Variants in GLRA3 observed in about 807,000 individuals in gnomAD.
The protein encoded by GLRA3 is glycine receptor subunit alpha-3.
A neutral mutation model predicts 60.4 loss-of-function variants in GLRA3; 44 were observed. That is an observed-to-expected ratio of 0.73 (90% CI 0.57 to 0.94). The LOEUF is 0.94. Among genes scored for constraint, GLRA3 ranks in the 40% least tolerant of loss-of-function variants. The pLI is 0.00. For missense variants in GLRA3, 508 were observed against 564.6 expected, an observed-to-expected ratio of 0.90 and a Z score of 1.02; for synonymous variants, 223 against 192.9, an observed-to-expected ratio of 1.16 and a Z score of -1.29.
At chr4:174,823,020 GT>G (rs1412945343) in intron 1 of GLRA3, among the ~76,000 whole-genome samples, 1 of 152,156 alleles carries the variant, frequency 6.6e-6, no homozygotes, top group Non-Finnish European at 1.5e-5. Context: ...GAAAATGTGT[GT>G]TGTTGCCATG....
intron 5 of GLRA3, among the ~76,000 whole-genome samples, chr4:174,711,774 C>T (rs1735728105): frequency 1.3e-5 from 2 of 152,106 alleles, no homozygotes; most frequent in Non-Finnish European, 2.9e-5. Context: ...GTTTGTGCCT[C>T]ATAATTTTTT....
chr4:174,666,034 A>C (rs1342675558), intron 7 of GLRA3, among the ~76,000 whole-genome samples: 1 of 152,162 alleles, frequency 6.6e-6, no homozygotes. Flanking sequence ...CCAAGTTGCA[A>C]AACTAGGATT....
chr4:174,741,504 G>A (rs1030383162), intron 3 of GLRA3, among the ~76,000 whole-genome samples: 3 of 151,902 alleles, frequency 2.0e-5, no homozygotes, highest in South Asian at 2.1e-4. Context: ...CATGAGATTG[G>A]CAAACTTGTT....
intron 4 of GLRA3, among the ~76,000 whole-genome samples, chr4:174,716,100 TA>T (rs2111096685): frequency 1.3e-5 from 2 of 152,296 alleles, no homozygotes; most frequent in South Asian, 4.1e-4. Context: ...CAATCATATG[TA>T]ACGTTCAGTC....
chr4:174,781,313 C>G (rs568841860), intron 2 of GLRA3, among the ~76,000 whole-genome samples: 33 of 149,928 alleles, frequency 2.2e-4, no homozygotes, highest in African/African-American at 7.4e-4. Context: ...GCATTCAAAG[C>G]AGTGTGTAGA....
At chr4:174,731,903 C>T (rs938384961) in intron 3 of GLRA3, among the ~76,000 whole-genome samples, 6 of 152,166 alleles carry the variant, frequency 3.9e-5, no homozygotes, top group African/African-American at 1.2e-4. Context: ...AAAAAATGTT[C>T]AACCACATAA....
At chr4:174,696,370 T>C (rs1735053453) in intron 5 of GLRA3, among the ~76,000 whole-genome samples, 1 of 151,276 alleles carries the variant, frequency 6.6e-6, no homozygotes, top group Admixed American at 6.6e-5. Context: ...AAACAAATTT[T>C]ATTATATGTA....
rs779931841 is a variant in GLRA3 at position 174,766,959 on chromosome 4, C to T, written c.267+4G>A. The T allele has an allele frequency of 6.6e-7, 1 of 1,525,932 alleles. No individual in the cohort carries two copies. The allele number at this position is 1,525,932 out of a possible 1,614,324, so 94.5% of individuals were successfully genotyped here. On this transcript the variant is annotated splice_donor_region_variant and intron_variant, in intron 3 of 9. Transcript: ENST00000274093. ...TGAAACTTGTTGCAAAGTAAAATGC[C>T]TACCATGGTCGTCTCTGCGATAGAG...
At position 174,677,216 on chromosome 4, in the gene GLRA3, G is replaced by A. The variant is rs1579429297; in HGVS notation, c.789C>T (p.Pro263=). The change falls in exon 7 of 10, where the codon CCC becomes CCT. Residue 263 remains proline (P), a synonymous_variant. Coordinates refer to ENST00000274093, the MANE Select transcript of GLRA3 (RefSeq NM_006529.4). ...AGGATAGAATAACAATCAGGAGACT[G>A]GGAATGTACATCTGGATCAGATAGT... The part of the protein sequence containing the change: ...MGYYLIQMYI[P]SLLIVILSWV... 6.2e-7 allele frequency: 1 copy of A among 1,611,988 alleles called. No homozygotes were observed. Among genetic ancestry groups the A allele is most frequent in the East Asian group, 2.2e-5 (1 of 44,862 alleles).
intron 5 of GLRA3, among the ~76,000 whole-genome samples, chr4:174,701,657 C>T (rs1053745754): frequency 2.6e-5 from 4 of 152,126 alleles, no homozygotes; most frequent in African/African-American, 4.8e-5. Flanking sequence ...TCTATAATGA[C>T]GCCACTAAAA....
chr4:174,643,186 TA>T lies in GLRA3; in HGVS notation c.*599del. 1.2e-6 allele frequency: 1 copy of T among 815,812 alleles called. No individual in the cohort carries two copies. The highest frequency in any genetic ancestry group is 1.5e-6 in the Non-Finnish European group (1 of 676,094). 50.5% of individuals were successfully genotyped at this position (815,812 alleles called of 1,614,324 possible). A position where few individuals can be genotyped will look rare whatever the true frequency, so the allele number is the denominator to read the frequency against. On this transcript the variant is annotated 3_prime_UTR_variant, in exon 10 of 10. Coordinates refer to ENST00000274093, the MANE Select transcript of GLRA3 (RefSeq NM_006529.4). ...TAAATTTGCACAGAGGAAAACTTAA[TA>T]TTCTAAACAATTAAATTTAGTATTC... is the stretch of plus-strand genomic sequence containing the variant.
rs568544162 is a variant in GLRA3 at position 174,801,661 on chromosome 4, T to C, written c.72-12718A>G. 3.9e-5 allele frequency among the ~76,000 whole-genome samples: 6 copies of C among 152,212 alleles called. No homozygotes were observed. In the East Asian group the frequency reaches 9.6e-4, roughly 24 times the overall value. ...ATAATTCAACCACACCTTACCATGT[T>C]CTCTTTGACTGGTCTATTCCAACTT... On this transcript the variant is annotated intron_variant, in intron 1 of 9. Coordinates refer to ENST00000274093, the MANE Select transcript of GLRA3 (RefSeq NM_006529.4).
intron 9 of GLRA3, among the ~76,000 whole-genome samples, chr4:174,650,438 C>T (rs4695945): frequency 0.22 from 33,309 of 152,044 alleles, 4,249 homozygotes; most frequent in East Asian, 0.35. Flanking sequence ...GGAAAAAGCT[C>T]AATAGTGGCA....
At chr4:174,824,822 T>G (rs1740897227) in intron 1 of GLRA3, among the ~76,000 whole-genome samples, 1 of 152,154 alleles carries the variant, frequency 6.6e-6, no homozygotes, top group Non-Finnish European at 1.5e-5. Context: ...CCTTTTCCGT[T>G]TATTCTAGAC....
intron 6 of GLRA3, among the ~76,000 whole-genome samples, chr4:174,680,549 A>G (rs1734302581): frequency 6.6e-6 from 1 of 152,202 alleles, no homozygotes; most frequent in Non-Finnish European, 1.5e-5. Flanking sequence ...GAAGAACTTT[A>G]CATGCAGAAG....
At chr4:174,762,906 C>T (rs1737992292) in intron 3 of GLRA3, among the ~76,000 whole-genome samples, 2 of 152,094 alleles carry the variant, frequency 1.3e-5, no homozygotes, top group African/African-American at 4.8e-5. Flanking sequence ...CACCTCCCAC[C>T]CCTGACCAAA....
chr4:174,701,336 AAT>A (rs1463112568), intron 5 of GLRA3, among the ~76,000 whole-genome samples: 3 of 152,204 alleles, frequency 2.0e-5, no homozygotes, highest in Non-Finnish European at 4.4e-5. Context: ...TAGTTAACTG[AAT>A]ACTTTAAGCC....
chr4:174,680,883 G>C (rs1057306949), intron 6 of GLRA3, among the ~76,000 whole-genome samples: 38 of 152,184 alleles, frequency 2.5e-4, no homozygotes, highest in African/African-American at 8.2e-4. Flanking sequence ...ATTGTTGTTT[G>C]TTGTATTTTC....
intron 5 of GLRA3, among the ~76,000 whole-genome samples, chr4:174,699,611 G>C (rs923424611): frequency 1.3e-5 from 2 of 152,016 alleles, no homozygotes; most frequent in African/African-American, 4.8e-5. Flanking sequence ...ATCTAAGTTA[G>C]TATGTTTTCA....
Sources: gnomAD v4.1 joint callset for allele counts (sites outside exome capture counted in the v4.1 genomes callset) on GRCh38, gnomAD v4.1.1 for gene constraint, MANE v1.5 for transcripts, NCBI Gene and HGNC (gene_info 2026-07-23, HGNC 2026-07-21) for gene names.